HDAC7: variants seen among roughly 807,000 people sequenced by gnomAD.
HDAC7 encodes histone deacetylase 7A.
HDAC7 carries 26 observed loss-of-function variants against 115.5 expected under a neutral mutation model. The ratio of observed to expected loss-of-function variants is 0.23; its 90% CI spans 0.16 to 0.31. The LOEUF is 0.31. HDAC7 is among the 10% of genes least tolerant of loss of function. The pLI, the probability that HDAC7 is intolerant of heterozygous loss-of-function variation, is 1.00. For synonymous variants in HDAC7, 564 were observed against 550.9 expected, an observed-to-expected ratio of 1.02 and a Z score of -0.33; for missense variants, 1,068 against 1,329.0, an observed-to-expected ratio of 0.80 and a Z score of 3.05.
At chr12:47,810,671 G>C (rs1592695296) in intron 1 of HDAC7, among the ~76,000 whole-genome samples, 1 of 152,156 alleles carries the variant, frequency 6.6e-6, no homozygotes, top group Admixed American at 6.5e-5. Context: ...ACCTCCCAGG[G>C]CTGCCACAGA....
chr12:47,815,964 T>G (rs531804798), intron 1 of HDAC7, among the ~76,000 whole-genome samples: 5 of 149,208 alleles, frequency 3.4e-5, no homozygotes, highest in Admixed American at 6.8e-5. Context: ...TGATCTTGGC[T>G]CACCGCAACC....
chr12:47,795,791 A>G lies in HDAC7; in HGVS notation c.907-24T>C. The G allele has an allele frequency of 6.7e-7, 1 of 1,503,626 alleles. No individual in the cohort carries two copies. The highest frequency in any genetic ancestry group is 8.9e-7 in the Non-Finnish European group (1 of 1,120,798). 93.1% of individuals were successfully genotyped at this position (1,503,626 alleles called of 1,614,324 possible). A position where few individuals can be genotyped will look rare whatever the true frequency, so the allele number is the denominator to read the frequency against. On this transcript the variant is annotated intron_variant, in intron 9 of 25. Transcript: ENST00000080059. The surrounding 1 kb of genome is among the most constrained non-coding windows in gnomAD (Gnocchi z 4.3). ...GCCTGGGGGAGAGGCGGGAGAAGTCACGGGGAAGAAGATTCCAGCAGAGAA... is the reference window on the plus strand; with the variant it reads ...GCCTGGGGGAGAGGCGGGAGAAGTCGCGGGGAAGAAGATTCCAGCAGAGAA...
intron 24 of HDAC7, 77 bp downstream of exon 24, chr12:47,785,310 G>C: frequency 3.2e-6 from 4 of 1,266,558 alleles, no homozygotes; most frequent in Non-Finnish European, 3.3e-6. Context: ...GAAGCCCTAG[G>C]ATCTGGCCAC....
At chr12:47,786,746 T>G in intron 21 of HDAC7, 43 bp from the exon 22 acceptor site, 1 of 1,529,096 alleles carries the variant, frequency 6.5e-7, no homozygotes, top group African/African-American at 1.4e-5. Flanking sequence ...CTGTGCAGGG[T>G]TGCCAGGGGC....
At chr12:47,790,746 G>T (rs1347942523) in intron 16 of HDAC7, 1 of 178,670 alleles carries the variant, frequency 5.6e-6, no homozygotes, top group African/African-American at 2.4e-5. Flanking sequence ...TCACAAAGGG[G>T]TGAGGACTTA....
Position 47,795,734 on chromosome 12 carries a change from C to T in HDAC7, c.940G>A (p.Gly314Ser), listed in dbSNP as rs780397872. Residue 314 changes from glycine (G) to serine (S), a missense_variant, in exon 10 of 26, where the codon GGC becomes AGC. Gly to Ser is a moderately conservative substitution (Grantham distance 56). Transcript: ENST00000080059. This position sits in a 1 kb window ranked among gnomAD's most constrained non-coding sequence, Gnocchi z 4.3. ...CTCCCCAGGATTGGCCCCCGAGGGC[C>T]CAGAGTCGGATGGGTCCTGCGGTCA... ...DSDRRTHPTL[G>S]PRGPILGSPH... The T allele has an allele frequency of 1.3e-6, 2 of 1,543,958 alleles. No individual in the cohort carries two copies. Among genetic ancestry groups the T allele is most frequent in the Admixed American group, 2.0e-5 (1 of 50,128 alleles).
At position 47,794,551 on chromosome 12, in the gene HDAC7, GTGTA is replaced by G. The variant is rs1406918974; in HGVS notation, c.1458+205_1458+208del. On this transcript the variant is annotated intron_variant, in intron 12 of 25. Transcript: ENST00000080059. Reference sequence around the variant, plus strand: ...TCACCTGAGACTGGCAAGCTGTTGTGTGTATGTGTGTGTATGGGTGTGTGAGTGT... The same window carrying G: ...TCACCTGAGACTGGCAAGCTGTTGTGTGTGTGTGTATGGGTGTGTGAGTGT... 4.6e-5 allele frequency among the ~76,000 whole-genome samples: 7 copies of G among 152,366 alleles called. No homozygotes were observed. The East Asian group carries it at 1.2e-3, about 25-fold the overall frequency.
intron 2 of HDAC7, among the ~76,000 whole-genome samples, chr12:47,800,573 C>T (rs2137000463): frequency 6.6e-6 from 1 of 152,314 alleles, no homozygotes; most frequent in African/African-American, 2.4e-5. Context: ...CATTGCCTCC[C>T]AAGAAATCCG....
In HDAC7 at chr12:47,819,811, G is replaced by A. The variant is rs1448718513; in HGVS notation, c.-26C>T. On this transcript the variant is annotated 5_prime_UTR_variant, in exon 1 of 26. Coordinates refer to ENST00000080059, the MANE Select transcript of HDAC7 (RefSeq NM_015401.5). ...CCAGGGGCCGGGGCCCTCAGAGCGG[G>A]GGGCTCATGGCGGGGCGGGGGGCTG... 1.3e-5 allele frequency: 4 copies of A among 316,794 alleles called. No homozygotes were observed. Among genetic ancestry groups the A allele is most frequent in the Non-Finnish European group, 2.0e-5 (4 of 204,744 alleles). The allele number at this position is 316,794 out of a possible 1,614,324, so 19.6% of individuals were successfully genotyped here. A position where few individuals can be genotyped will look rare whatever the true frequency, so the allele number is the denominator to read the frequency against.
chr12:47,805,526 C>T (rs115405472), intron 1 of HDAC7, among the ~76,000 whole-genome samples: 3,843 of 152,280 alleles, frequency 0.025, 169 homozygotes, highest in African/African-American at 0.088. Flanking sequence ...CCTTCCCTGA[C>T]ATAGGCTGGA....
Position 47,798,661 on chromosome 12 carries a change from A to G in HDAC7, c.259-9T>C, listed in dbSNP as rs1281549758. 1 of 1,610,720 alleles carries G rather than the reference A, an allele frequency of 6.2e-7. No homozygotes were observed. The highest frequency in any genetic ancestry group is 2.2e-5 in the East Asian group (1 of 44,766). On this transcript the variant is annotated splice_polypyrimidine_tract_variant and intron_variant, in intron 3 of 25. Coordinates refer to ENST00000080059, the MANE Select transcript of HDAC7 (RefSeq NM_015401.5). The surrounding 1 kb of genome is among the most constrained non-coding windows in gnomAD (Gnocchi z 4.3). Reference sequence around the variant, plus strand: ...GGCGTGTCCATGGAGAGCTGTGGGCAGGGCCGGCAGCCCAGAAAGGGACAA... The same window carrying G: ...GGCGTGTCCATGGAGAGCTGTGGGCGGGGCCGGCAGCCCAGAAAGGGACAA...
Position 47,797,579 on chromosome 12 carries a change from T to C in HDAC7, c.462-80A>G, listed in dbSNP as rs1592663406. 9 of 1,058,762 alleles carry C rather than the reference T, an allele frequency of 8.5e-6. No homozygotes were observed. The East Asian group carries it at 2.2e-4, about 26-fold the overall frequency. The allele number at this position is 1,058,762 out of a possible 1,614,324, so 65.6% of individuals were successfully genotyped here. ...TGCCCTGAGCACGGGCCCTGGGACC[T>C]GAGGGGGAGGCTGCAGCGGGCAGGG... On this transcript the variant is annotated intron_variant, in intron 5 of 25. Transcript: ENST00000080059. The surrounding 1 kb of genome is among the most constrained non-coding windows in gnomAD (Gnocchi z 5.5).
chr12:47,792,037 G>A (rs762611238), intron 13 of HDAC7, 33 bp from the exon 14 acceptor site: 4 of 1,576,692 alleles, frequency 2.5e-6, no homozygotes, highest in East Asian at 2.3e-5. Flanking sequence ...GGGGACCCAG[G>A]GAGTCCTCAC....
chr12:47,785,686 G>A, intron 23 of HDAC7, 66 bp downstream of exon 23: 1 of 1,535,140 alleles, frequency 6.5e-7, no homozygotes, highest in South Asian at 1.2e-5. Context: ...CCTGCTCCTT[G>A]GGTAGTCCTG....
chr12:47,786,688 G>A lies in HDAC7; in HGVS notation c.2469C>T (p.Pro823=), dbSNP rs572628908. The change falls in exon 22 of 26, where the codon CCC becomes CCT. Residue 823 remains proline, a synonymous_variant. Coordinates refer to ENST00000080059, the MANE Select transcript of HDAC7 (RefSeq NM_015401.5). ...YLAAFRIVVM[P]IAREFSPDLV... ...GGTCTGGAGAGAACTCTCGGGCGATGGGCATCACGACTATCCTGTGAGGTC... is the reference window on the plus strand; with the variant it reads ...GGTCTGGAGAGAACTCTCGGGCGATAGGCATCACGACTATCCTGTGAGGTC... 3 of 1,613,514 alleles carry A rather than the reference G, an allele frequency of 1.9e-6. No homozygotes were observed. The highest frequency in any genetic ancestry group is 2.2e-5 in the South Asian group (2 of 91,076).
At chr12:47,806,131 G>T (rs1442697895) in intron 1 of HDAC7, among the ~76,000 whole-genome samples, 2 of 152,190 alleles carry the variant, frequency 1.3e-5, no homozygotes, top group South Asian at 2.1e-4. Flanking sequence ...CTCATTGATT[G>T]GCACTGAATG....
chr12:47,785,195 G>A (rs762412975), intron 24 of HDAC7, 192 bp downstream of exon 24: 12 of 586,928 alleles, frequency 2.0e-5, no homozygotes, highest in African/African-American at 9.4e-5. Context: ...CTCCATCGGG[G>A]GGGCTCAGAG....
chr12:47,798,051 G>A lies in HDAC7; in HGVS notation c.461+57C>T, dbSNP rs1234990438. ...AAGTGTGTGTGCTCATGGCTAACAC[G>A]GGGGCGGGGGTGGAGGGTGCATGTG... On this transcript the variant is annotated intron_variant, in intron 5 of 25. Transcript: ENST00000080059. This position sits in a 1 kb window ranked among gnomAD's most constrained non-coding sequence, Gnocchi z 4.3. The A allele has an allele frequency of 5.6e-6, 7 of 1,248,510 alleles. No individual in the cohort carries two copies. Among genetic ancestry groups the A allele is most frequent in the Admixed American group, 5.0e-5 (3 of 59,450 alleles). 77.3% of individuals were successfully genotyped at this position (1,248,510 alleles called of 1,614,324 possible).
chr12:47,807,837 G>A (rs1361932434), intron 1 of HDAC7, among the ~76,000 whole-genome samples: 1 of 152,212 alleles, frequency 6.6e-6, no homozygotes, highest in African/African-American at 2.4e-5. Context: ...GCTGGCAATG[G>A]GTTGGGGTCT....
Sources: allele counts gnomAD v4.1 joint callset (sites outside exome capture counted in the v4.1 genomes callset), GRCh38; gene constraint gnomAD v4.1.1; non-coding constraint Gnocchi (gnomAD v3.1); transcripts MANE v1.5; gene names NCBI Gene and HGNC (gene_info 2026-07-23, HGNC 2026-07-21).